NLK: variants seen among roughly 807,000 people sequenced by gnomAD.
The protein encoded by NLK is nemo like kinase.
A neutral mutation model predicts 59.0 loss-of-function variants in NLK; 11 were observed. The ratio of observed to expected loss-of-function variants is 0.19; its 90% CI spans 0.12 to 0.31. NLK has a LOEUF of 0.31. Ranked by LOEUF, NLK falls within the 10% of genes least tolerant of loss-of-function variation. The probability of loss-of-function intolerance (pLI) is 1.00; values close to 1 mark genes in which losing one functional copy is unlikely to be tolerated. For missense variants in NLK, 410 were observed against 661.1 expected, an observed-to-expected ratio of 0.62 and a Z score of 4.16; for synonymous variants, 235 against 235.9, an observed-to-expected ratio of 1.00 and a Z score of 0.03.
intron 1 of NLK, among the ~76,000 whole-genome samples, chr17:28,055,627 G>A (rs571636802): frequency 5.1e-4 from 77 of 152,258 alleles, no homozygotes; most frequent in African/African-American, 1.9e-3. Flanking sequence ...TTATAGACAT[G>A]AGCCACTGTG....
intron 3 of NLK, among the ~76,000 whole-genome samples, chr17:28,138,829 C>T (rs897127744): frequency 5.3e-5 from 8 of 152,100 alleles, no homozygotes; most frequent in African/African-American, 1.7e-4. Context: ...TAGAACAGTA[C>T]CTGACATAAA....
At chr17:28,134,244 A>G (rs1486038589) in intron 3 of NLK, among the ~76,000 whole-genome samples, 2 of 151,728 alleles carry the variant, frequency 1.3e-5, no homozygotes, top group Non-Finnish European at 2.9e-5. Flanking sequence ...CCAAAAATAC[A>G]AAAAAAATTA....
At chr17:28,174,957 C>G (rs112457232) in intron 7 of NLK, among the ~76,000 whole-genome samples, 14 of 150,208 alleles carry the variant, frequency 9.3e-5, no homozygotes, top group Admixed American at 9.3e-4. Flanking sequence ...CACCTACACA[C>G]GATTATATTT....
chr17:28,179,050 A>T (rs1360255095), intron 7 of NLK, among the ~76,000 whole-genome samples: 1 of 152,204 alleles, frequency 6.6e-6, no homozygotes, highest in Non-Finnish European at 1.5e-5. Flanking sequence ...ATAGTCATTA[A>T]TAGAGAACTC....
At chr17:28,147,884 A>G (rs1370526918) in intron 3 of NLK, among the ~76,000 whole-genome samples, 1 of 152,180 alleles carries the variant, frequency 6.6e-6, no homozygotes, top group Non-Finnish European at 1.5e-5. Flanking sequence ...TATTCTAAAG[A>G]ATGTCATGTT....
rs143907497 is a variant in NLK at position 28,095,759 on chromosome 17, C to T, written c.459-26844C>T. Among the ~76,000 whole-genome samples, 659 of 152,294 alleles carry T rather than the reference C, an allele frequency of 4.3e-3. 2 individuals carry two copies. Among genetic ancestry groups the T allele is most frequent in the Middle Eastern group, 0.017 (5 of 294 alleles). ...TTCTGGTTTTACAAAAGAAAATCTG[C>T]ATCAATCCTTAAAGTTACATTTAAA... On this transcript the variant is annotated intron_variant, in intron 1 of 10. Coordinates refer to ENST00000407008, the MANE Select transcript of NLK (RefSeq NM_016231.5).
intron 3 of NLK, among the ~76,000 whole-genome samples, chr17:28,140,814 C>T (rs1906959139): frequency 6.6e-6 from 1 of 151,492 alleles, no homozygotes; most frequent in Non-Finnish European, 1.5e-5. Flanking sequence ...CAAAAAAGAG[C>T]TGGGAAGACT....
chr17:28,118,078 CTTG>C (rs1905859417), intron 1 of NLK, among the ~76,000 whole-genome samples: 2 of 152,116 alleles, frequency 1.3e-5, no homozygotes, highest in Non-Finnish European at 2.9e-5. Flanking sequence ...ATTTCCTAGA[CTTG>C]TTTGTTGTCA....
intron 1 of NLK, among the ~76,000 whole-genome samples, chr17:28,086,212 C>G (rs1332430044): frequency 6.6e-6 from 1 of 152,120 alleles, no homozygotes; most frequent in Admixed American, 6.6e-5. Context: ...TCATCTATCT[C>G]CCAGTTACCA....
intron 3 of NLK, among the ~76,000 whole-genome samples, chr17:28,155,536 T>G (rs893901951): frequency 6.6e-6 from 1 of 152,186 alleles, no homozygotes; most frequent in Non-Finnish European, 1.5e-5. Context: ...CAACCCAATG[T>G]CCATCAGTGA....
At chr17:28,111,775 G>T (rs1263973981) in intron 1 of NLK, among the ~76,000 whole-genome samples, 1 of 151,396 alleles carries the variant, frequency 6.6e-6, no homozygotes, top group Non-Finnish European at 1.5e-5. Flanking sequence ...TAGCTTTCTT[G>T]GAGTCCTGCT....
At chr17:28,106,387 T>C (rs533220834) in intron 1 of NLK, among the ~76,000 whole-genome samples, 1 of 152,340 alleles carries the variant, frequency 6.6e-6, no homozygotes, top group African/African-American at 2.4e-5. Flanking sequence ...AGGTATATCT[T>C]ATATACTGCT....
chr17:28,185,127 G>C, intron 7 of NLK, 52 bp from the exon 8 acceptor site: 1 of 1,078,074 alleles, frequency 9.3e-7, no homozygotes, highest in Non-Finnish European at 1.3e-6. Context: ...GTATTCCATA[G>C]CTGTTTACAC....
At chr17:28,072,969 G>T (rs1424336765) in intron 1 of NLK, among the ~76,000 whole-genome samples, 1 of 151,696 alleles carries the variant, frequency 6.6e-6, no homozygotes, top group South Asian at 2.1e-4. Flanking sequence ...AAAATTGTGA[G>T]CCCATGACAT....
intron 2 of NLK, among the ~76,000 whole-genome samples, chr17:28,127,418 G>A (rs188584508): frequency 3.4e-4 from 52 of 152,302 alleles, no homozygotes; most frequent in Non-Finnish European, 8.8e-5. Context: ...TTTTAATACA[G>A]ACATGCTGTT....
Position 28,172,412 on chromosome 17 carries a change from GT to G in NLK, c.1048-99del, listed in dbSNP as rs764684083. On this transcript the variant is annotated intron_variant, in intron 6 of 10. Coordinates refer to ENST00000407008, the MANE Select transcript of NLK (RefSeq NM_016231.5). ...CAGTTAATCTAGAGCTTGTCTTAAG[GT>G]TTTTTCCCCCAGATTTGGTCCACTT... 1.1e-5 allele frequency: 6 copies of G among 570,584 alleles called. No homozygotes were observed. In the East Asian group the frequency reaches 1.8e-4, roughly 17 times the overall value. The allele number at this position is 570,584 out of a possible 1,614,324, so 35.3% of individuals were successfully genotyped here.
intron 1 of NLK, 127 bp downstream of exon 1, chr17:28,043,458 A>G: frequency 2.5e-6 from 2 of 808,512 alleles, no homozygotes; most frequent in South Asian, 4.1e-5. Context: ...CAACTGTAGG[A>G]AGCCACCCTC....
At chr17:28,169,237 A>G (rs34954537) in intron 6 of NLK, among the ~76,000 whole-genome samples, 4 of 152,164 alleles carry the variant, frequency 2.6e-5, no homozygotes, top group Non-Finnish European at 5.9e-5. Flanking sequence ...TGCTATGACA[A>G]TTTGCACAGG....
At chr17:28,051,220 A>T (rs1430248284) in intron 1 of NLK, among the ~76,000 whole-genome samples, 1 of 152,218 alleles carries the variant, frequency 6.6e-6, no homozygotes, top group Non-Finnish European at 1.5e-5. Flanking sequence ...TGTCTTAAGT[A>T]TTCAGTATTA....
Sources: gnomAD v4.1 joint callset for allele counts (sites outside exome capture counted in the v4.1 genomes callset) on GRCh38, gnomAD v4.1.1 for gene constraint, MANE v1.5 for transcripts, NCBI Gene and HGNC (gene_info 2026-07-23, HGNC 2026-07-21) for gene names.